Variants in CSMD1 observed in about 807,000 individuals in gnomAD.
The protein encoded by CSMD1 is CUB and Sushi multiple domains 1, also known as CUB and sushi domain-containing protein 1.
CSMD1 carries 213 observed loss-of-function variants against 417.5 expected under a neutral mutation model. The observed-to-expected ratio is 0.51, with a 90% CI of 0.46 to 0.57. The LOEUF (loss-of-function observed/expected upper bound fraction) is 0.57. Ranked by LOEUF, CSMD1 falls within the 20% of genes least tolerant of loss-of-function variation. The pLI, the probability that CSMD1 is intolerant of heterozygous loss-of-function variation, is 0.00. For missense variants in CSMD1, 6,923 were observed against 4,529.7 expected (o/e 1.53, Z -15.17); for synonymous variants, 2,862 against 1,736.8 (o/e 1.65, Z -16.11).
rs76342431 is a variant in CSMD1, at chr8:3,832,845, A to T, written c.819-78803T>A. ...TAAAAATCAATTTGTATGGTTATAG[A>T]AACACGTAGAAACATCTATTTGGAG... On this transcript the variant is annotated intron_variant, in intron 5 of 69. Coordinates refer to ENST00000635120, the MANE Select transcript of CSMD1 (RefSeq NM_033225.6). Among the ~76,000 whole-genome samples, 515 of 152,324 alleles carry T rather than the reference A, an allele frequency of 3.4e-3. 11 individuals are homozygous for T. The highest frequency in any genetic ancestry group is 9.3e-3 in the East Asian group (48 of 5,188).
intron 17 of CSMD1, among the ~76,000 whole-genome samples, chr8:3,395,115 C>A: frequency 6.6e-6 from 1 of 152,168 alleles, no homozygotes; most frequent in Admixed American, 6.5e-5. Flanking sequence ...AGAAAACGAA[C>A]AAAAGGAGAT....
chr8:4,558,885 A>C (rs554241949), intron 2 of CSMD1, among the ~76,000 whole-genome samples: 4 of 151,366 alleles, frequency 2.6e-5, no homozygotes, highest in South Asian at 2.1e-4. Flanking sequence ...ATAAATAAAT[A>C]AATCAAATCA....
chr8:3,350,397 C>G (rs557890636), intron 21 of CSMD1, among the ~76,000 whole-genome samples: 1 of 152,142 alleles, frequency 6.6e-6, no homozygotes, highest in African/African-American at 2.4e-5. Context: ...GATGAGGAAA[C>G]TGAAGCATAG....
intron 7 of CSMD1, among the ~76,000 whole-genome samples, chr8:3,619,414 G>A (rs561463362): frequency 6.6e-6 from 1 of 151,506 alleles, no homozygotes; most frequent in Non-Finnish European, 1.5e-5. Context: ...GGCATACAAA[G>A]AAAGAGGGAA....
At chr8:3,471,716 C>A (rs1017050285) in intron 11 of CSMD1, among the ~76,000 whole-genome samples, 1 of 143,402 alleles carries the variant, frequency 7.0e-6, no homozygotes, top group Non-Finnish European at 1.5e-5. Context: ...TTCCTTCCTT[C>A]CTTCCTTGCT....
rs752067678 is a variant in CSMD1 at position 2,966,746 on chromosome 8, G to A, written c.8924C>T (p.Ala2975Val). Residue 2975 changes from alanine to valine, a missense_variant and splice_region_variant, in exon 58 of 70, where the codon GCC (alanine) becomes GTC (valine). Ala to Val is a moderately conservative substitution (Grantham distance 64, BLOSUM62 0). Transcript: ENST00000635120. ...SWSGLQPVCE[A>V]VSCGNPGTPT... Reference sequence around the variant, plus strand: ...TGTGCCAGGGTTGCCACAGGACACGGCTGTTAGGCAAACAAGAACACCACC... The same window carrying A: ...TGTGCCAGGGTTGCCACAGGACACGACTGTTAGGCAAACAAGAACACCACC... 3.1e-6 allele frequency: 5 copies of A among 1,612,690 alleles called. No individual in the cohort carries two copies. Among genetic ancestry groups the A allele is most frequent in the South Asian group, 1.1e-5 (1 of 90,740 alleles).
chr8:4,283,176 T>A (rs1796884034), intron 3 of CSMD1, among the ~76,000 whole-genome samples: 1 of 152,202 alleles, frequency 6.6e-6, no homozygotes, highest in Non-Finnish European at 1.5e-5. Context: ...GAGAGTCTTT[T>A]TTACAACATT....
intron 7 of CSMD1, among the ~76,000 whole-genome samples, chr8:3,661,109 A>T (rs1250333617): frequency 6.6e-6 from 1 of 152,198 alleles, no homozygotes; most frequent in Non-Finnish European, 1.5e-5. Context: ...TCCATCTGTT[A>T]AAGCAAACTA....
chr8:4,174,696 C>G (rs2680615), intron 3 of CSMD1, among the ~76,000 whole-genome samples: 102,127 of 102,750 alleles, frequency 0.99, 50,762 homozygotes, highest in Middle Eastern at 1. Flanking sequence ...AAAAAGGTGT[C>G]TAGAACACTG....
chr8:4,843,106 C>G (rs556815029), intron 1 of CSMD1, among the ~76,000 whole-genome samples: 2 of 152,104 alleles, frequency 1.3e-5, no homozygotes, highest in Non-Finnish European at 2.9e-5. Flanking sequence ...TTAGGATGTG[C>G]GAATTGAGAG....
chr8:4,067,386 G>A (rs532219583), intron 3 of CSMD1, among the ~76,000 whole-genome samples: 1 of 152,116 alleles, frequency 6.6e-6, no homozygotes, highest in East Asian at 1.9e-4. Context: ...CTGGATTTTG[G>A]TAGAAAAACA....
At chr8:3,600,322 G>T (rs1426295756) in intron 8 of CSMD1, among the ~76,000 whole-genome samples, 3 of 152,148 alleles carry the variant, frequency 2.0e-5, no homozygotes, top group African/African-American at 4.8e-5. Context: ...GCTGTTGAAG[G>T]GTGGAGTGGG....
intron 3 of CSMD1, among the ~76,000 whole-genome samples, chr8:4,227,125 A>G (rs1801407808): frequency 6.6e-6 from 1 of 152,134 alleles, no homozygotes. Flanking sequence ...CGCCCCCAAG[A>G]GAAGGGTTTT....
At chr8:3,538,918 AGC>A (rs1189283265) in intron 10 of CSMD1, among the ~76,000 whole-genome samples, 1 of 152,184 alleles carries the variant, frequency 6.6e-6, no homozygotes, top group Non-Finnish European at 1.5e-5. Context: ...TGCTGCACAC[AGC>A]CGCCAGAGCA....
chr8:4,681,694 A>T (rs1173722476), intron 1 of CSMD1, among the ~76,000 whole-genome samples: 1 of 152,074 alleles, frequency 6.6e-6, no homozygotes, highest in Non-Finnish European at 1.5e-5. Flanking sequence ...ATACAAAATA[A>T]CCCGACTTTA....
intron 2 of CSMD1, among the ~76,000 whole-genome samples, chr8:4,522,003 C>G (rs1803477598): frequency 2.0e-5 from 3 of 152,274 alleles, no homozygotes; most frequent in Non-Finnish European, 1.5e-5. Context: ...TTTTGAAAAT[C>G]AAGTGAACTG....
chr8:4,037,858 T>C (rs1289388295), intron 3 of CSMD1, among the ~76,000 whole-genome samples: 2 of 152,108 alleles, frequency 1.3e-5, no homozygotes, highest in Non-Finnish European at 2.9e-5. Flanking sequence ...GTAGATCATA[T>C]ATTCTCGTAT....
chr8:4,198,565 T>A (rs1799472529), intron 3 of CSMD1, among the ~76,000 whole-genome samples: 1 of 152,156 alleles, frequency 6.6e-6, no homozygotes, highest in Non-Finnish European at 1.5e-5. Flanking sequence ...TTCAGGAACG[T>A]GCACAAGGAA....
At chr8:3,948,062 T>C (rs890216096) in intron 5 of CSMD1, among the ~76,000 whole-genome samples, 1 of 152,022 alleles carries the variant, frequency 6.6e-6, no homozygotes, top group Non-Finnish European at 1.5e-5. Flanking sequence ...AAAAATTATC[T>C]GGGCATGGTG....
Sources: allele counts gnomAD v4.1 joint callset (sites outside exome capture counted in the v4.1 genomes callset), GRCh38; gene constraint gnomAD v4.1.1; transcripts MANE v1.5; gene names NCBI Gene and HGNC (gene_info 2026-07-23, HGNC 2026-07-21).